Variants in DCPH1 observed in about 807,000 individuals in gnomAD.
DCPH1 encodes the protein damage-control phosphatase 1.
At chr6:151,466,223 A>G in the DCPH1 span, among the ~76,000 whole-genome samples, 1 of 152,146 alleles carries the variant, frequency 6.6e-6, no homozygotes, top group Non-Finnish European at 1.5e-5. Context: ...CTGGCCCAGG[A>G]CATTGTTAAC....
At chr6:151,465,354 T>C in the DCPH1 span, among the ~76,000 whole-genome samples, 7 of 152,064 alleles carry the variant, frequency 4.6e-5, no homozygotes, top group South Asian at 1.5e-3. Flanking sequence ...TGTTAGAAAG[T>C]GCTATGAAGA....
the DCPH1 span, chr6:151,468,689 A>G: frequency 1.2e-6 from 2 of 1,614,028 alleles, no homozygotes; most frequent in Non-Finnish European, 1.7e-6. Context: ...TGGTTAATTG[A>G]ACAGGTAAAA....
chr6:151,468,616 G>C, the DCPH1 span: 2 of 1,614,120 alleles, frequency 1.2e-6, no homozygotes, highest in Non-Finnish European at 1.7e-6. Context: ...GGCTACTGAG[G>C]TTCATTTTTA....
the DCPH1 span, among the ~76,000 whole-genome samples, chr6:151,463,028 C>T: frequency 6.6e-6 from 1 of 152,128 alleles, no homozygotes; most frequent in South Asian, 2.1e-4. Context: ...TGGCTGTGTT[C>T]TAAAGAAACT....
the DCPH1 span, among the ~76,000 whole-genome samples, chr6:151,465,704 G>A: frequency 6.6e-6 from 1 of 152,138 alleles, no homozygotes; most frequent in Non-Finnish European, 1.5e-5. Flanking sequence ...GTGGAAATGG[G>A]GAGAGCTGGT....
the DCPH1 span, chr6:151,454,474 C>T: frequency 1.3e-6 from 1 of 756,460 alleles, no homozygotes; most frequent in South Asian, 1.5e-5. Flanking sequence ...ATGAAGTGTT[C>T]CAGAAACTAA....
At chr6:151,453,315 A>C in the DCPH1 span, among the ~76,000 whole-genome samples, 1 of 152,218 alleles carries the variant, frequency 6.6e-6, no homozygotes, top group Non-Finnish European at 1.5e-5. Flanking sequence ...CCAGAGGTGC[A>C]GGAAATGTAG....
the DCPH1 span, among the ~76,000 whole-genome samples, chr6:151,453,998 G>A: frequency 3.8e-4 from 58 of 152,192 alleles, no homozygotes; most frequent in African/African-American, 1.3e-3. Flanking sequence ...CCATTGTGCA[G>A]ATAGAGAAGG....
chr6:151,460,059 T>TTTG, the DCPH1 span, among the ~76,000 whole-genome samples: 2 of 152,052 alleles, frequency 1.3e-5, no homozygotes, highest in Admixed American at 6.6e-5. Context: ...ACGTATATAT[T>TTTG]TTGTTGTTGT....
chr6:151,461,069 C>T, the DCPH1 span, among the ~76,000 whole-genome samples: 4 of 152,282 alleles, frequency 2.6e-5, no homozygotes, highest in East Asian at 3.9e-4. Context: ...CTTATTCAGC[C>T]ATTCTTCCCA....
chr6:151,459,822 T>G, the DCPH1 span, among the ~76,000 whole-genome samples: 1 of 152,080 alleles, frequency 6.6e-6, no homozygotes. Flanking sequence ...TTATTTATAG[T>G]GCCAAAGAAA....
At chr6:151,468,582 C>T in the DCPH1 span, 49 of 1,614,006 alleles carry the variant, frequency 3.0e-5, no homozygotes, top group East Asian at 6.5e-4. Context: ...TAATATTAGC[C>T]GACTTCTTGT....
At chr6:151,467,493 T>C in the DCPH1 span, among the ~76,000 whole-genome samples, 2 of 152,112 alleles carry the variant, frequency 1.3e-5, no homozygotes, top group East Asian at 3.8e-4. Flanking sequence ...TATTGAGTAC[T>C]TCTATATGCC....
chr6:151,464,942 G>C, the DCPH1 span, among the ~76,000 whole-genome samples: 1 of 152,130 alleles, frequency 6.6e-6, no homozygotes, highest in Non-Finnish European at 1.5e-5. Context: ...AGCTGACTTG[G>C]GTGTGTGTTG....
the DCPH1 span, among the ~76,000 whole-genome samples, chr6:151,459,466 T>C: frequency 6.6e-6 from 1 of 152,194 alleles, no homozygotes; most frequent in African/African-American, 2.4e-5. Flanking sequence ...GTTTATATTA[T>C]TTAATTTTTC....
the DCPH1 span, chr6:151,452,476 C>A: frequency 2.1e-5 from 33 of 1,558,970 alleles, no homozygotes; most frequent in Non-Finnish European, 2.8e-5. Flanking sequence ...GCTCCTCCTT[C>A]GCGGCGGTAC....
chr6:151,467,946 GC>G, the DCPH1 span, among the ~76,000 whole-genome samples: 3 of 152,264 alleles, frequency 2.0e-5, no homozygotes, highest in East Asian at 5.8e-4. Context: ...GTTCTGCAGG[GC>G]CAAGGAGGAA....
the DCPH1 span, among the ~76,000 whole-genome samples, chr6:151,455,201 CTA>C: frequency 7.0e-6 from 1 of 141,856 alleles, no homozygotes; most frequent in Non-Finnish European, 1.6e-5. Flanking sequence ...ATCCAAATAA[CTA>C]TGTTATTGAA....
the DCPH1 span, among the ~76,000 whole-genome samples, chr6:151,467,935 A>G: frequency 4.6e-5 from 7 of 152,232 alleles, no homozygotes; most frequent in African/African-American, 1.7e-4. Flanking sequence ...GAAACTGGAC[A>G]GTTCTGCAGG....
Sources: allele counts gnomAD v4.1 joint callset (sites outside exome capture counted in the v4.1 genomes callset), GRCh38; gene constraint gnomAD v4.1.1; transcripts MANE v1.5; gene names NCBI Gene and HGNC (gene_info 2026-07-23, HGNC 2026-07-21).